Variants in TTC7B observed in about 807,000 individuals in gnomAD.
TTC7B encodes tetratricopeptide repeat domain 7B.
TTC7B carries 28 observed loss-of-function variants against 106.8 expected under a neutral mutation model. The observed-to-expected ratio is 0.26, with a 90% CI of 0.19 to 0.36. TTC7B has a LOEUF of 0.36. Among genes scored for constraint, TTC7B ranks in the 10% least tolerant of loss-of-function variants. TTC7B has a pLI of 1.00. For synonymous variants in TTC7B, 405 were observed against 430.6 expected, an observed-to-expected ratio of 0.94 and a Z score of 0.74; for missense variants, 862 against 1,076.4, an observed-to-expected ratio of 0.80 and a Z score of 2.79.
intron 15 of TTC7B, among the ~76,000 whole-genome samples, chr14:90,638,255 T>TA (rs1885029680): frequency 1.3e-5 from 2 of 152,008 alleles, no homozygotes; most frequent in Admixed American, 1.3e-4. Flanking sequence ...ACTAGTACAG[T>TA]AAGACAAGTT....
In TTC7B at chr14:90,657,800, C is replaced by T. The variant is rs1886011684; in HGVS notation, c.1236+504G>A. 1.6e-5 allele frequency: 3 copies of T among 186,208 alleles called. No homozygotes were observed. Among genetic ancestry groups the T allele is most frequent in the Non-Finnish European group, 3.4e-5 (3 of 87,586 alleles). The allele number at this position is 186,208 out of a possible 1,614,324, so 11.5% of individuals were successfully genotyped here. On this transcript the variant is annotated intron_variant, in intron 10 of 19. Coordinates refer to ENST00000328459, the MANE Select transcript of TTC7B (RefSeq NM_001010854.2). The surrounding 1 kb of genome is among the most constrained non-coding windows in gnomAD (Gnocchi z 4.2). The stretch of plus-strand genomic sequence containing the variant: ...TGATAACACATCTATGGAGCAGGTG[C>T]TGTTCTTACTCCATTTTACCGAGGA...
At position 90,650,197 on chromosome 14, in the gene TTC7B, G is replaced by A. The variant is rs577402393; in HGVS notation, c.1517+2644C>T. On this transcript the variant is annotated intron_variant, in intron 13 of 19. Transcript: ENST00000328459. ...AGTAACTACAATTTGTGAAGTTATCGACTATTACGCTTCTTGTCCAAGAAC... is the reference window on the plus strand; with the variant it reads ...AGTAACTACAATTTGTGAAGTTATCAACTATTACGCTTCTTGTCCAAGAAC... 3.0e-4 allele frequency among the ~76,000 whole-genome samples: 45 copies of A among 152,296 alleles called. 1 individual carries two copies. Among genetic ancestry groups the A allele is most frequent in the African/African-American group, 9.9e-4 (41 of 41,560 alleles).
chr14:90,730,054 A>G (rs943258735), intron 5 of TTC7B, 21 bp downstream of exon 5: 2 of 1,588,934 alleles, frequency 1.3e-6, no homozygotes, highest in African/African-American at 2.7e-5. Context: ...AAGTGGATTT[A>G]AAAAAATGAA....
At chr14:90,560,632 G>C (rs1363549692) in intron 19 of TTC7B, among the ~76,000 whole-genome samples, 1 of 152,198 alleles carries the variant, frequency 6.6e-6, no homozygotes, top group Non-Finnish European at 1.5e-5. Context: ...CCCACATCTA[G>C]AAAAATGAGA....
At chr14:90,700,510 A>T (rs901394585) in intron 5 of TTC7B, among the ~76,000 whole-genome samples, 1 of 151,946 alleles carries the variant, frequency 6.6e-6, no homozygotes, top group Non-Finnish European at 1.5e-5. Context: ...AGTGACGTTT[A>T]ACAAGCTGGG....
chr14:90,706,797 T>C (rs1888229106), intron 5 of TTC7B, among the ~76,000 whole-genome samples: 1 of 152,224 alleles, frequency 6.6e-6, no homozygotes, highest in Admixed American at 6.5e-5. Context: ...AAGCTGATAC[T>C]TCAAGATCAA....
At chr14:90,654,266 T>G (rs965482384) in intron 12 of TTC7B, among the ~76,000 whole-genome samples, 1 of 152,234 alleles carries the variant, frequency 6.6e-6, no homozygotes. Context: ...TTTTGCCTTA[T>G]ACTAATTAAA....
intron 2 of TTC7B, among the ~76,000 whole-genome samples, chr14:90,785,783 G>A (rs1387932536): frequency 6.6e-6 from 1 of 152,178 alleles, no homozygotes; most frequent in African/African-American, 2.4e-5. Flanking sequence ...GGGCCACAGT[G>A]GCTTCTTACA....
chr14:90,696,631 T>C (rs1030504377), intron 5 of TTC7B, among the ~76,000 whole-genome samples: 2 of 152,188 alleles, frequency 1.3e-5, no homozygotes, highest in African/African-American at 4.8e-5. Flanking sequence ...GGCTATTAAT[T>C]CGCATCTTAT....
chr14:90,814,335 T>C (rs970719073), intron 1 of TTC7B, among the ~76,000 whole-genome samples: 18 of 152,334 alleles, frequency 1.2e-4, no homozygotes, highest in African/African-American at 4.3e-4. Flanking sequence ...TTCATCTGCC[T>C]GTCATTCTCA....
At position 90,779,093 on chromosome 14, in the gene TTC7B, C is replaced by T. The variant is rs564788940; in HGVS notation, c.445+1645G>A. ...GGTCTCTGCCAGCCACAGTCAGTCA[C>T]GGAACGTGGTTTGAACAGCAGATGG... On this transcript the variant is annotated intron_variant, in intron 3 of 19. Coordinates refer to ENST00000328459, the MANE Select transcript of TTC7B (RefSeq NM_001010854.2). Among the ~76,000 whole-genome samples, 7 of 152,300 alleles carry T rather than the reference C, an allele frequency of 4.6e-5. No homozygotes were observed. In the South Asian group the frequency reaches 1.2e-3, roughly 27 times the overall value.
At chr14:90,550,783 A>T (rs1890043337) in intron 19 of TTC7B, among the ~76,000 whole-genome samples, 1 of 152,136 alleles carries the variant, frequency 6.6e-6, no homozygotes, top group African/African-American at 2.4e-5. Flanking sequence ...CCTGGTACAG[A>T]AGAGGCTCTT....
intron 9 of TTC7B, chr14:90,676,070 C>T (rs1416885201): frequency 6.6e-6 from 1 of 152,650 alleles, no homozygotes; most frequent in African/African-American, 2.4e-5. Context: ...GCAAAAGACT[C>T]TGAAAGAAGA....
chr14:90,607,982 C>T (rs1231635549), intron 17 of TTC7B, among the ~76,000 whole-genome samples: 2 of 152,234 alleles, frequency 1.3e-5, no homozygotes, highest in African/African-American at 2.4e-5. Flanking sequence ...AACTTCTCTA[C>T]AGCACCTTGT....
chr14:90,746,792 T>C (rs1889981625), intron 3 of TTC7B, among the ~76,000 whole-genome samples: 1 of 152,264 alleles, frequency 6.6e-6, no homozygotes, highest in South Asian at 2.1e-4. Flanking sequence ...TAATTTAACT[T>C]TTGCTTTCTT....
intron 19 of TTC7B, among the ~76,000 whole-genome samples, chr14:90,560,059 C>T (rs1029850871): frequency 3.9e-5 from 6 of 152,216 alleles, no homozygotes; most frequent in Non-Finnish European, 8.8e-5. Context: ...CCAGGAGCCC[C>T]GGGTTAGGGC....
At chr14:90,763,021 G>C (rs1307237986) in intron 3 of TTC7B, among the ~76,000 whole-genome samples, 1 of 152,162 alleles carries the variant, frequency 6.6e-6, no homozygotes, top group Non-Finnish European at 1.5e-5. Context: ...AAGCAGAAAA[G>C]GAGGGAACAC....
intron 6 of TTC7B, among the ~76,000 whole-genome samples, chr14:90,690,588 G>A (rs1012235783): frequency 6.6e-6 from 1 of 152,152 alleles, no homozygotes; most frequent in Non-Finnish European, 1.5e-5. Flanking sequence ...TAACAAAGAA[G>A]AGGATAAGTA....
intron 17 of TTC7B, among the ~76,000 whole-genome samples, chr14:90,598,014 G>A (rs879559248): frequency 1.3e-5 from 2 of 152,190 alleles, no homozygotes; most frequent in Admixed American, 6.5e-5. Context: ...GTAAGCCAGG[G>A]AGAGCACCTG....
Sources: gnomAD v4.1 joint callset for allele counts (sites outside exome capture counted in the v4.1 genomes callset) on GRCh38, gnomAD v4.1.1 for gene constraint, Gnocchi (gnomAD v3.1) non-coding constraint, MANE v1.5 for transcripts, NCBI Gene and HGNC (gene_info 2026-07-23, HGNC 2026-07-21) for gene names.